The following SCFD1 variants were observed in gnomAD, a reference collection of about 807,000 sequenced individuals.
SCFD1 encodes the protein sec1 family domain containing 1.
Under a neutral mutation model 103.2 loss-of-function variants are expected in SCFD1, and 37 were observed. The ratio of observed to expected loss-of-function variants is 0.36; its 90% CI spans 0.28 to 0.47. The LOEUF (loss-of-function observed/expected upper bound fraction) is 0.47, where lower values mean the gene tolerates loss of function less well. Among genes scored for constraint, SCFD1 ranks in the 20% least tolerant of loss-of-function variants. The probability of loss-of-function intolerance (pLI) is 1.00; values close to 1 mark genes in which losing one functional copy is unlikely to be tolerated. For synonymous variants in SCFD1, 264 were observed against 245.0 expected, an observed-to-expected ratio of 1.08 and a Z score of -0.73; for missense variants, 639 against 761.2, an observed-to-expected ratio of 0.84 and a Z score of 1.89.
intron 23 of SCFD1, among the ~76,000 whole-genome samples, chr14:30,730,928 G>A (rs932419249): frequency 6.6e-6 from 1 of 152,026 alleles, no homozygotes; most frequent in Non-Finnish European, 1.5e-5. Flanking sequence ...CCTTGCCCAT[G>A]TCTATGTCCT....
At chr14:30,628,174 C>A in intron 1 of SCFD1, 35 bp from the exon 2 acceptor site, 1 of 1,487,284 alleles carries the variant, frequency 6.7e-7, no homozygotes, top group South Asian at 1.2e-5. Flanking sequence ...TCCTAAAAAA[C>A]AATGACAATA....
At chr14:30,638,948 C>A (rs1349280861) in intron 5 of SCFD1, among the ~76,000 whole-genome samples, 5 of 152,142 alleles carry the variant, frequency 3.3e-5, no homozygotes, top group Non-Finnish European at 7.4e-5. Flanking sequence ...ATAGATTTTT[C>A]ATTGTTAGAG....
chr14:30,633,880 C>G, intron 3 of SCFD1, 67 bp from the exon 4 acceptor site: 1 of 870,602 alleles, frequency 1.1e-6, no homozygotes, highest in South Asian at 1.8e-5. Flanking sequence ...AGTGAACTCC[C>G]ATTTTGAGGA....
At position 30,629,610 on chromosome 14, in the gene SCFD1, G is replaced by A. The variant is rs536233294; in HGVS notation, c.133-867G>A. 2.2e-5 allele frequency among the ~76,000 whole-genome samples: 3 copies of A among 139,434 alleles called. No homozygotes were observed. The South Asian group carries it at 6.7e-4, about 31-fold the overall frequency. The allele number at this position is 139,434 out of a possible 152,430, so 91.5% of individuals were successfully genotyped here. On this transcript the variant is annotated intron_variant, in intron 2 of 24. Transcript: ENST00000458591. The stretch of plus-strand genomic sequence containing the variant: ...TTTTTTTTTTTTGAGATGGAATCTC[G>A]CTTTGTCGCCAGGCTGGAATGTAGT...
intron 1 of SCFD1, among the ~76,000 whole-genome samples, chr14:30,627,184 T>TA (rs1883557619): frequency 6.6e-6 from 1 of 152,294 alleles, no homozygotes; most frequent in Non-Finnish European, 1.5e-5. Context: ...GTAACACTGT[T>TA]ACAGATGAGT....
chr14:30,733,993 A>G (rs552233305), intron 23 of SCFD1, among the ~76,000 whole-genome samples: 2 of 152,148 alleles, frequency 1.3e-5, no homozygotes, highest in South Asian at 2.1e-4. Context: ...CCCATATACC[A>G]TCTCATTTTG....
chr14:30,729,954 G>A (rs948997842), intron 23 of SCFD1, among the ~76,000 whole-genome samples: 18 of 151,838 alleles, frequency 1.2e-4, no homozygotes, highest in Admixed American at 3.9e-4. Flanking sequence ...GGTGTGCTGC[G>A]CCCATTAACT....
Position 30,719,577 on chromosome 14 carries a change from C to G in SCFD1, c.1736+200C>G, listed in dbSNP as rs564126007. ...TCAGATGTTTTTCCTTCCACATATA[C>G]ACACACACAAATCCATTTAGACGTT... On this transcript the variant is annotated intron_variant, in intron 21 of 24. Coordinates refer to ENST00000458591, the MANE Select transcript of SCFD1 (RefSeq NM_016106.4). Among the ~76,000 whole-genome samples the G allele has an allele frequency of 3.3e-5, 5 of 152,162 alleles. No individual in the cohort carries two copies. In the East Asian group the frequency reaches 9.7e-4, roughly 29 times the overall value.
intron 19 of SCFD1, among the ~76,000 whole-genome samples, chr14:30,713,926 T>C (rs1451442134): frequency 6.6e-6 from 1 of 152,218 alleles, no homozygotes; most frequent in Non-Finnish European, 1.5e-5. Flanking sequence ...GTTTTCTCTT[T>C]TGGATAAAGC....
intron 5 of SCFD1, 131 bp downstream of exon 5, chr14:30,638,378 T>C (rs1322262737): frequency 2.5e-5 from 32 of 1,270,790 alleles, no homozygotes; most frequent in Non-Finnish European, 3.2e-5. Flanking sequence ...TCAATACTTT[T>C]ATAAAGAGTT....
intron 14 of SCFD1, among the ~76,000 whole-genome samples, chr14:30,693,532 G>A (rs1320930563): frequency 6.6e-6 from 1 of 152,140 alleles, no homozygotes; most frequent in African/African-American, 2.4e-5. Flanking sequence ...TTAGTCTACT[G>A]TTTAGATGTT....
At chr14:30,638,371 A>C in intron 5 of SCFD1, 124 bp downstream of exon 5, 1 of 1,342,218 alleles carries the variant, frequency 7.5e-7, no homozygotes, top group Non-Finnish European at 1.0e-6. Flanking sequence ...TTTAGGCTCA[A>C]TACTTTTATA....
intron 5 of SCFD1, among the ~76,000 whole-genome samples, chr14:30,639,153 C>T (rs990750627): frequency 4.6e-5 from 7 of 152,096 alleles, no homozygotes; most frequent in African/African-American, 1.7e-4. Context: ...TCTTCAGCTC[C>T]TGGGCTCGTA....
intron 1 of SCFD1, among the ~76,000 whole-genome samples, chr14:30,627,639 G>A (rs962353271): frequency 2.0e-5 from 3 of 151,314 alleles, no homozygotes; most frequent in South Asian, 4.2e-4. Flanking sequence ...CCAGCTACTC[G>A]GGAGGCTGAA....
intron 3 of SCFD1, among the ~76,000 whole-genome samples, chr14:30,633,020 A>C (rs1295010730): frequency 6.6e-6 from 1 of 152,202 alleles, no homozygotes; most frequent in Non-Finnish European, 1.5e-5. Flanking sequence ...ATACTGTATC[A>C]GTTACTTTAT....
At chr14:30,645,932 A>G (rs546378280) in intron 7 of SCFD1, among the ~76,000 whole-genome samples, 1 of 152,254 alleles carries the variant, frequency 6.6e-6, no homozygotes, top group East Asian at 1.9e-4. Flanking sequence ...TTGCCCATTT[A>G]TTATGACATT....
Position 30,622,401 on chromosome 14 carries a change from TACTG to T in SCFD1, c.61+6_61+9del. The T allele has an allele frequency of 6.4e-7, 1 of 1,552,256 alleles. No homozygotes were observed. The highest frequency in any genetic ancestry group is 1.4e-5 in the African/African-American group (1 of 73,212). ...CCAGTATTCGGGAAAGGCAGACAGG[TACTG>T]ACTTATTCTCTTCTCCTTGAAGCTT... On this transcript the variant is annotated splice_donor_5th_base_variant and intron_variant, in intron 1 of 24. Coordinates refer to ENST00000458591, the MANE Select transcript of SCFD1 (RefSeq NM_016106.4).
At chr14:30,696,585 C>T (rs529486302) in intron 15 of SCFD1, among the ~76,000 whole-genome samples, 1 of 152,254 alleles carries the variant, frequency 6.6e-6, no homozygotes, top group South Asian at 2.1e-4. Context: ...AGGGCATCCA[C>T]TCATGGAATA....
chr14:30,701,654 A>T (rs1891089264), intron 16 of SCFD1, among the ~76,000 whole-genome samples: 1 of 152,222 alleles, frequency 6.6e-6, no homozygotes, highest in African/African-American at 2.4e-5. Context: ...ATGTGATTTT[A>T]AAACTTAATT....
Sources: gnomAD v4.1 joint callset for allele counts (sites outside exome capture counted in the v4.1 genomes callset) on GRCh38, gnomAD v4.1.1 for gene constraint, MANE v1.5 for transcripts, NCBI Gene and HGNC (gene_info 2026-07-23, HGNC 2026-07-21) for gene names.